The following ERC2 variants were observed in gnomAD, a reference collection of about 807,000 sequenced individuals.
ERC2 encodes ELKS/RAB6-interacting/CAST family member 2.
ERC2 carries 42 observed loss-of-function variants against 114.8 expected under a neutral mutation model. The ratio of observed to expected loss-of-function variants is 0.37; its 90% CI spans 0.29 to 0.47. The LOEUF (loss-of-function observed/expected upper bound fraction) is 0.47, where lower values mean the gene tolerates loss of function less well. ERC2 is among the 20% of genes least tolerant of loss of function. The probability of loss-of-function intolerance (pLI) is 0.99; values close to 1 mark genes in which losing one functional copy is unlikely to be tolerated. For missense variants in ERC2, 939 were observed against 1,150.7 expected (o/e 0.82, Z 2.66); for synonymous variants, 454 against 425.5 (o/e 1.07, Z -0.82).
intron 5 of ERC2, 45 bp from the exon 6 acceptor site, chr3:56,139,721 C>G (rs1238288390): frequency 6.5e-7 from 1 of 1,542,996 alleles, no homozygotes; most frequent in African/African-American, 1.4e-5. Flanking sequence ...AATTGCTGCC[C>G]CTACACTTTA....
At chr3:56,041,011 T>C (rs2075160563) in intron 7 of ERC2, among the ~76,000 whole-genome samples, 1 of 151,974 alleles carries the variant, frequency 6.6e-6, no homozygotes, top group Non-Finnish European at 1.5e-5. Flanking sequence ...ATTCAATCAA[T>C]TTTATGATAA....
chr3:56,301,070 G>A (rs553660894), intron 2 of ERC2, among the ~76,000 whole-genome samples: 1 of 152,172 alleles, frequency 6.6e-6, no homozygotes, highest in Admixed American at 6.5e-5. Context: ...GCAACATAGA[G>A]AGACCCCATA....
At chr3:55,697,666 G>A (rs2063002977) in intron 16 of ERC2, among the ~76,000 whole-genome samples, 1 of 152,114 alleles carries the variant, frequency 6.6e-6, no homozygotes, top group Non-Finnish European at 1.5e-5. Context: ...AGACAAGCTG[G>A]TTTGTTATCT....
intron 13 of ERC2, among the ~76,000 whole-genome samples, chr3:55,922,690 T>C (rs2065497449): frequency 6.6e-6 from 1 of 152,106 alleles, no homozygotes. Flanking sequence ...CACAGGGAAA[T>C]TCCCAGCTGA....
chr3:56,186,378 T>TA (rs148316142), intron 3 of ERC2, among the ~76,000 whole-genome samples: 16,696 of 152,004 alleles, frequency 0.11, 1,432 homozygotes, highest in African/African-American at 0.23. Context: ...TGAGGGGAAA[T>TA]AATTCCCCTG....
intron 12 of ERC2, among the ~76,000 whole-genome samples, chr3:55,958,023 T>A (rs965649121): frequency 6.6e-6 from 1 of 152,170 alleles, no homozygotes; most frequent in Non-Finnish European, 1.5e-5. Context: ...CACCATTCAG[T>A]GGGTCGTAAG....
chr3:55,553,787 A>G (rs2055405279), intron 17 of ERC2, among the ~76,000 whole-genome samples: 2 of 152,120 alleles, frequency 1.3e-5, no homozygotes, highest in African/African-American at 2.4e-5. Context: ...CTCAAAAAAA[A>G]AAGAAATGGC....
At chr3:56,197,980 G>T (rs1199144682) in intron 3 of ERC2, among the ~76,000 whole-genome samples, 1 of 152,272 alleles carries the variant, frequency 6.6e-6, no homozygotes, top group Admixed American at 6.5e-5. Context: ...TGTGGAACAC[G>T]TAGTTAACTA....
At chr3:55,937,873 C>T (rs920098356) in intron 13 of ERC2, among the ~76,000 whole-genome samples, 1 of 152,014 alleles carries the variant, frequency 6.6e-6, no homozygotes, top group Non-Finnish European at 1.5e-5. Context: ...TCATAAATGA[C>T]GGGAAGAAGT....
At chr3:56,160,905 G>A (rs1364234424) in intron 4 of ERC2, among the ~76,000 whole-genome samples, 1 of 152,180 alleles carries the variant, frequency 6.6e-6, no homozygotes, top group East Asian at 1.9e-4. Context: ...TTGACATCGG[G>A]TAATATGATG....
At chr3:56,007,584 C>G (rs2072597174) in intron 9 of ERC2, among the ~76,000 whole-genome samples, 1 of 152,100 alleles carries the variant, frequency 6.6e-6, no homozygotes, top group Non-Finnish European at 1.5e-5. Flanking sequence ...GTCTCAAAGT[C>G]ATGCTAATGA....
chr3:55,599,865 C>G (rs1321113181), intron 17 of ERC2, among the ~76,000 whole-genome samples: 1 of 152,156 alleles, frequency 6.6e-6, no homozygotes, highest in Non-Finnish European at 1.5e-5. Flanking sequence ...GATCCAAGTT[C>G]TACTTTCATT....
chr3:56,272,973 C>T (rs1396344065), intron 3 of ERC2, among the ~76,000 whole-genome samples: 1 of 152,214 alleles, frequency 6.6e-6, no homozygotes, highest in Non-Finnish European at 1.5e-5. Context: ...GTCCTCATCT[C>T]TGTAACGCAA....
intron 1 of ERC2, among the ~76,000 whole-genome samples, chr3:56,465,114 AGGGGCCGGTCAT>A (rs1414024540): frequency 6.6e-6 from 1 of 152,198 alleles, no homozygotes. Context: ...ACAAAACAAG[AGGGGCCGGTCAT>A]GGTGGTTCAC....
At chr3:55,801,075 A>T (rs573899400) in intron 14 of ERC2, among the ~76,000 whole-genome samples, 20 of 152,294 alleles carry the variant, frequency 1.3e-4, no homozygotes, top group African/African-American at 4.8e-4. Flanking sequence ...TATTGTGCCC[A>T]CACCTTTGGA....
At chr3:55,668,850 A>C (rs2061452607) in intron 17 of ERC2, among the ~76,000 whole-genome samples, 1 of 152,226 alleles carries the variant, frequency 6.6e-6, no homozygotes, top group Admixed American at 6.5e-5. Flanking sequence ...CTTGAGTAAA[A>C]CTACTCAAGG....
At chr3:55,575,900 A>T (rs2056953604) in intron 17 of ERC2, among the ~76,000 whole-genome samples, 1 of 152,216 alleles carries the variant, frequency 6.6e-6, no homozygotes, top group South Asian at 2.1e-4. Flanking sequence ...ACAAGCACGT[A>T]GGTACTTTTC....
At position 55,655,906 on chromosome 3, in the gene ERC2, G is replaced by C. The variant is rs138270691; in HGVS notation, c.*39+27888C>G. 9.1e-3 allele frequency among the ~76,000 whole-genome samples: 1,384 copies of C among 152,278 alleles called. 20 individuals carry two copies. The highest frequency in any genetic ancestry group is 0.032 in the African/African-American group (1,343 of 41,558). On this transcript the variant is annotated intron_variant, in intron 17 of 17. Coordinates refer to ENST00000288221, the MANE Select transcript of ERC2 (RefSeq NM_015576.3). ...TTTTCTTTTCCATTTTAGTCTTCTA[G>C]CCACTCTGGGAGGCAGATCCTATTA...
chr3:56,073,327 T>TG (rs768106119), intron 7 of ERC2, among the ~76,000 whole-genome samples: 2 of 152,282 alleles, frequency 1.3e-5, no homozygotes, highest in African/African-American at 4.8e-5. Flanking sequence ...GATTATTTAT[T>TG]GGGGGGCAGA....
Sources: gnomAD v4.1 joint callset for allele counts (sites outside exome capture counted in the v4.1 genomes callset) on GRCh38, gnomAD v4.1.1 for gene constraint, MANE v1.5 for transcripts, NCBI Gene and HGNC (gene_info 2026-07-23, HGNC 2026-07-21) for gene names.